Variants in KIF26B observed in about 807,000 individuals in gnomAD.
KIF26B encodes kinesin family member 26B.
KIF26B carries 63 observed loss-of-function variants against 151.2 expected under a neutral mutation model. The observed-to-expected ratio is 0.42, with a 90% confidence interval of 0.34 to 0.51. The LOEUF (loss-of-function observed/expected upper bound fraction) is 0.51. Ranked by LOEUF, KIF26B falls within the 20% of genes least tolerant of loss-of-function variation. The pLI is 0.07. For synonymous variants in KIF26B, 1,357 were observed against 1,262.1 expected (o/e 1.08, Z -1.59); for missense variants, 2,813 against 2,913.6 (o/e 0.97, Z 0.79).
Position 245,572,964 on chromosome 1 carries a change from T to C in KIF26B, c.1351-29613T>C, listed in dbSNP as rs1190971913. 2.0e-5 allele frequency among the ~76,000 whole-genome samples: 3 copies of C among 152,180 alleles called. No homozygotes were observed. Among genetic ancestry groups the C allele is most frequent in the Non-Finnish European group, 2.9e-5 (2 of 68,038 alleles). On this transcript the variant is annotated intron_variant, in intron 5 of 14. Transcript: ENST00000407071. This position sits in a 1 kb window ranked among gnomAD's most constrained non-coding sequence, Gnocchi z 4.2. ...ACAGATTCTGTAGCGTAAAATTCTT[T>C]ATAAATACACATATCAATGGAGTTC...
Position 245,559,701 on chromosome 1 carries a change from C to T in KIF26B, c.1350+18751C>T, listed in dbSNP as rs575340383. On this transcript the variant is annotated intron_variant, in intron 5 of 14. Transcript: ENST00000407071. ...TGCTGGGACTACAGGCGTGAGCCAC[C>T]GTGCCCAGCCTATTTTTGTTTTTGT... Among the ~76,000 whole-genome samples the T allele has an allele frequency of 8.3e-4, 126 of 152,268 alleles. No homozygotes were observed. In the Middle Eastern group the frequency reaches 0.014, roughly 16 times the overall value.
At chr1:245,463,082 G>T (rs572476231) in intron 4 of KIF26B, among the ~76,000 whole-genome samples, 1 of 152,106 alleles carries the variant, frequency 6.6e-6, no homozygotes, top group Non-Finnish European at 1.5e-5. Context: ...CTTTCTCAAC[G>T]GTGTCCTTCT....
At chr1:245,616,009 A>C (rs1466383242) in intron 9 of KIF26B, among the ~76,000 whole-genome samples, 1 of 152,244 alleles carries the variant, frequency 6.6e-6, no homozygotes, top group African/African-American at 2.4e-5. Context: ...CCATTAGAAG[A>C]GATCTCTGCC....
intron 5 of KIF26B, among the ~76,000 whole-genome samples, chr1:245,591,903 C>T (rs922803459): frequency 4.6e-5 from 7 of 152,208 alleles, no homozygotes; most frequent in African/African-American, 9.7e-5. Flanking sequence ...CCAAGCCTGC[C>T]GGCCATTAGC....
At chr1:245,313,242 T>C (rs187110411) in intron 2 of KIF26B, among the ~76,000 whole-genome samples, 3 of 152,292 alleles carry the variant, frequency 2.0e-5, no homozygotes, top group East Asian at 3.9e-4. Flanking sequence ...CTGGGTTAAG[T>C]TGTGGCTACA....
chr1:245,404,449 C>T (rs779870809), intron 3 of KIF26B, among the ~76,000 whole-genome samples: 8 of 152,090 alleles, frequency 5.3e-5, no homozygotes, highest in Non-Finnish European at 1.0e-4. Context: ...ATGCCAATCT[C>T]GCTGGTTCCG....
At chr1:245,614,736 C>G (rs376239894) in intron 9 of KIF26B, 1 of 152,282 alleles carries the variant, frequency 6.6e-6, no homozygotes, top group South Asian at 2.1e-4. Flanking sequence ...TGAGCAAAGT[C>G]TCACTGGAGA....
At chr1:245,670,550 C>T (rs967075712) in intron 10 of KIF26B, among the ~76,000 whole-genome samples, 1 of 150,272 alleles carries the variant, frequency 6.7e-6, no homozygotes, top group African/African-American at 2.4e-5. Context: ...GAATTGAAAG[C>T]AGGAAATGAA....
Position 245,367,078 on chromosome 1 carries a change from G to A in KIF26B, c.710G>A (p.Gly237Asp). The A allele has an allele frequency of 6.2e-7, 1 of 1,601,362 alleles. No individual in the cohort carries two copies. The highest frequency in any genetic ancestry group is 8.5e-7 in the Non-Finnish European group (1 of 1,174,160). Residue 237 changes from glycine (G) to aspartate (D), a missense_variant, in exon 3 of 15, where the codon GGT becomes GAT. By Grantham distance (94) the Gly-to-Asp change is moderately conservative. This residue lies in a region of KIF26B where 676 missense variants were observed against 688.1 expected (regional missense o/e 0.98). Coordinates refer to ENST00000407071, the MANE Select transcript of KIF26B (RefSeq NM_018012.4). The surrounding 1 kb of genome is among the most constrained non-coding windows in gnomAD (Gnocchi z 4.2). ...IPTLVGSRHV[G>D]GLQQPRDWAF... is the part of the protein sequence containing the mutation. ...ACCCTGGTGGGGTCCCGGCACGTGG[G>A]TGGGCTCCAGCAGCCCAGAGACTGG...
chr1:245,163,536 T>A (rs1313918912), intron 2 of KIF26B, among the ~76,000 whole-genome samples: 1 of 152,168 alleles, frequency 6.6e-6, no homozygotes, highest in African/African-American at 2.4e-5. Flanking sequence ...TTTCTAGGAG[T>A]TTCCTTGCCT....
rs1558147939 is a variant in KIF26B at position 245,390,942 on chromosome 1, A to AAAC, written c.999+23577_999+23578insCAA. ...GTCTCAAAAAAAAAAAAAAAAAAAAAAAAAAAAAAACCACCATAAAATTTT... is the reference window on the plus strand; with the variant it reads ...GTCTCAAAAAAAAAAAAAAAAAAAAAAACAAAAAAAAAACCACCATAAAATTTT... On this transcript the variant is annotated intron_variant, in intron 3 of 14. Transcript: ENST00000407071. 3.6e-3 allele frequency among the ~76,000 whole-genome samples: 521 copies of AAAC among 145,352 alleles called. 21 individuals carry two copies. The highest frequency in any genetic ancestry group is 0.013 in the African/African-American group (499 of 37,874).
In KIF26B at chr1:245,607,755, G is replaced by T; in HGVS notation, c.1651+11G>T. On this transcript the variant is annotated intron_variant, in intron 7 of 14. Coordinates refer to ENST00000407071, the MANE Select transcript of KIF26B (RefSeq NM_018012.4). Reference sequence around the variant, plus strand: ...GCCACGCCAAACTGGGTTCGTGAGAGTTTCACTTTCTCATGCGGCTCGTTG... The same window carrying T: ...GCCACGCCAAACTGGGTTCGTGAGATTTTCACTTTCTCATGCGGCTCGTTG... 6.2e-7 allele frequency: 1 copy of T among 1,605,846 alleles called. No homozygotes were observed. Among genetic ancestry groups the T allele is most frequent in the Non-Finnish European group, 8.5e-7 (1 of 1,175,148 alleles).
At chr1:245,645,859 G>A (rs1236200526) in intron 9 of KIF26B, among the ~76,000 whole-genome samples, 1 of 152,224 alleles carries the variant, frequency 6.6e-6, no homozygotes, top group Non-Finnish European at 1.5e-5. Flanking sequence ...CAACCTGCAA[G>A]AATTATTTGA....
At chr1:245,307,592 C>G (rs1671580683) in intron 2 of KIF26B, among the ~76,000 whole-genome samples, 1 of 152,190 alleles carries the variant, frequency 6.6e-6, no homozygotes, top group Non-Finnish European at 1.5e-5. Flanking sequence ...CTAACAAATG[C>G]TGGCTTTTTG....
At chr1:245,411,783 A>G (rs1455238426) in intron 3 of KIF26B, among the ~76,000 whole-genome samples, 1 of 152,192 alleles carries the variant, frequency 6.6e-6, no homozygotes, top group Non-Finnish European at 1.5e-5. Flanking sequence ...AGACTCATAC[A>G]TAGAAAGGGA....
intron 2 of KIF26B, among the ~76,000 whole-genome samples, chr1:245,355,666 A>C (rs1672680492): frequency 6.6e-6 from 1 of 151,908 alleles, no homozygotes; most frequent in Non-Finnish European, 1.5e-5. Context: ...GAACCATTGG[A>C]GTAGAGAGAG....
At chr1:245,622,923 G>A (rs577238134) in intron 9 of KIF26B, among the ~76,000 whole-genome samples, 2 of 152,012 alleles carry the variant, frequency 1.3e-5, no homozygotes, top group South Asian at 2.1e-4. Context: ...CGGCTGCTTC[G>A]TGGAGCTGAT....
intron 2 of KIF26B, among the ~76,000 whole-genome samples, chr1:245,304,062 C>T (rs779246137): frequency 6.6e-6 from 1 of 152,218 alleles, no homozygotes; most frequent in Non-Finnish European, 1.5e-5. Flanking sequence ...TCTTTTTACA[C>T]TAAGGAAGAA....
intron 2 of KIF26B, among the ~76,000 whole-genome samples, chr1:245,291,973 G>A (rs1196920015): frequency 1.3e-5 from 2 of 152,174 alleles, no homozygotes; most frequent in East Asian, 3.9e-4. Flanking sequence ...GTGAGCCAAG[G>A]CACTTTCCCA....
Sources: gnomAD v4.1 joint callset for allele counts (sites outside exome capture counted in the v4.1 genomes callset) on GRCh38, gnomAD v4.1.1 for gene constraint, gnomAD v4.1.1 regional missense constraint, Gnocchi (gnomAD v3.1) non-coding constraint, MANE v1.5 for transcripts, NCBI Gene and HGNC (gene_info 2026-07-23, HGNC 2026-07-21) for gene names.